The following CELF2 variants were observed in gnomAD, a reference collection of about 807,000 sequenced individuals.
The protein encoded by CELF2 is CUG triplet repeat RNA-binding protein 2.
CELF2 carries 8 observed loss-of-function variants against 62.6 expected under a neutral mutation model. The ratio of observed to expected loss-of-function variants is 0.13; its 90% CI spans 0.07 to 0.23. The LOEUF is 0.23. Ranked by LOEUF, CELF2 falls within the 10% of genes least tolerant of loss-of-function variation. The probability of loss-of-function intolerance (pLI) is 1.00; values close to 1 mark genes in which losing one functional copy is unlikely to be tolerated. For synonymous variants in CELF2, 258 were observed against 250.0 expected (o/e 1.03, Z -0.30); for missense variants, 333 against 671.0 (o/e 0.50, Z 5.56).
At chr10:11,264,469 A>C (rs1310771658) in intron 5 of CELF2, among the ~76,000 whole-genome samples, 1 of 152,238 alleles carries the variant, frequency 6.6e-6, no homozygotes, top group East Asian at 1.9e-4. Flanking sequence ...TTAAAAACAG[A>C]ATTAGCCCAG....
At chr10:10,955,545 C>T (rs1564258734) in intron 2 of CELF2, among the ~76,000 whole-genome samples, 1 of 152,220 alleles carries the variant, frequency 6.6e-6, no homozygotes, top group African/African-American at 2.4e-5. Flanking sequence ...CGTATGAACT[C>T]ATTCAACCGT....
the CELF2 span, among the ~76,000 whole-genome samples, chr10:10,630,662 A>G: frequency 2.6e-5 from 4 of 152,244 alleles, no homozygotes; most frequent in African/African-American, 9.6e-5. Context: ...AGATACTATT[A>G]AGAGCCCCAG....
the CELF2 span, among the ~76,000 whole-genome samples, chr10:10,732,724 A>G: frequency 6.6e-6 from 1 of 152,078 alleles, no homozygotes; most frequent in Non-Finnish European, 1.5e-5. Context: ...GGGTTTCACC[A>G]TGCTGGCCAG....
intron 2 of CELF2, among the ~76,000 whole-genome samples, chr10:10,968,443 T>C (rs1215403048): frequency 1.3e-5 from 2 of 152,246 alleles, no homozygotes; most frequent in African/African-American, 4.8e-5. Context: ...GTAAATAATT[T>C]GCTTTCTGTT....
intron 2 of CELF2, among the ~76,000 whole-genome samples, chr10:10,927,956 T>C (rs1007360651): frequency 1.3e-4 from 20 of 152,186 alleles, no homozygotes; most frequent in African/African-American, 4.8e-4. Flanking sequence ...ATCAATGCAA[T>C]GCACTTTGGT....
the CELF2 span, among the ~76,000 whole-genome samples, chr10:10,572,572 T>A: frequency 1.3e-5 from 2 of 152,082 alleles, no homozygotes; most frequent in Admixed American, 1.3e-4. Context: ...GTGTTCTCAT[T>A]GTTCAGCTCC....
intron 1 of CELF2, among the ~76,000 whole-genome samples, chr10:11,105,168 A>C (rs938450581): frequency 3.9e-5 from 6 of 152,218 alleles, no homozygotes; most frequent in African/African-American, 1.4e-4. Context: ...TTTTCACTAA[A>C]CGAAAAACAA....
At chr10:10,711,949 A>G in the CELF2 span, among the ~76,000 whole-genome samples, 259 of 152,184 alleles carry the variant, frequency 1.7e-3, no homozygotes, top group African/African-American at 5.9e-3. Flanking sequence ...CAGTTCACCT[A>G]TTGGGAGGAT....
intron 8 of CELF2, among the ~76,000 whole-genome samples, chr10:11,283,720 G>A (rs995110380): frequency 6.6e-6 from 1 of 151,770 alleles, no homozygotes; most frequent in African/African-American, 2.4e-5. Context: ...TCCTGGAGGG[G>A]GACTCCCTGG....
intron 1 of CELF2, among the ~76,000 whole-genome samples, chr10:11,091,618 A>G (rs2048345163): frequency 6.6e-6 from 1 of 152,184 alleles, no homozygotes; most frequent in South Asian, 2.1e-4. Flanking sequence ...TGACAGCAAT[A>G]CAAGGAAAGG....
chr10:10,511,963 A>G, the CELF2 span, among the ~76,000 whole-genome samples: 4 of 152,352 alleles, frequency 2.6e-5, no homozygotes, highest in Non-Finnish European at 4.4e-5. Context: ...AGCCAACACA[A>G]GATTGCAAAT....
At chr10:10,891,903 C>T (rs1480553669) in intron 1 of CELF2, among the ~76,000 whole-genome samples, 7 of 152,194 alleles carry the variant, frequency 4.6e-5, no homozygotes, top group African/African-American at 1.2e-4. Context: ...GAGCAAATAG[C>T]ACAGTATATA....
At chr10:11,001,186 A>G (rs1032764145), upstream of CELF2, among the ~76,000 whole-genome samples, 1 of 152,174 alleles carries the variant, frequency 6.6e-6, no homozygotes, top group Non-Finnish European at 1.5e-5. Context: ...CATCTTCCAG[A>G]GCAATATGGG....
At chr10:11,043,191 G>C (rs1008874969) in intron 1 of CELF2, among the ~76,000 whole-genome samples, 2 of 152,130 alleles carry the variant, frequency 1.3e-5, no homozygotes, top group Non-Finnish European at 2.9e-5. Flanking sequence ...CCAGGATCAC[G>C]ATCAGTTAAG....
chr10:11,153,502 A>G (rs1379777209), intron 1 of CELF2, among the ~76,000 whole-genome samples: 2 of 151,998 alleles, frequency 1.3e-5, no homozygotes, highest in Non-Finnish European at 2.9e-5. Flanking sequence ...TAGTTCCTTC[A>G]GTAGCTACAG....
chr10:10,877,882 T>A (rs558531763), intron 1 of CELF2, among the ~76,000 whole-genome samples: 1 of 152,336 alleles, frequency 6.6e-6, no homozygotes, highest in East Asian at 1.9e-4. Flanking sequence ...GCCTCTGACC[T>A]CCTGTAGTTG....
upstream of CELF2, chr10:10,794,890 A>G (rs1448571425): frequency 1.3e-5 from 2 of 152,130 alleles, no homozygotes; most frequent in Non-Finnish European, 2.9e-5. Context: ...CTATATCCGC[A>G]TTTCCCAGGG....
rs371644485 is a variant in CELF2 at position 11,041,691 on chromosome 10, G to A, written c.74+23528G>A. Among the ~76,000 whole-genome samples, 5 of 152,164 alleles carry A rather than the reference G, an allele frequency of 3.3e-5. No individual in the cohort carries two copies. In the East Asian group the frequency reaches 9.6e-4, roughly 29 times the overall value. On this transcript the variant is annotated intron_variant, in intron 1 of 12. Transcript: ENST00000633077. ...GTTTTCAGACCATTTTCCTGTGACA[G>A]TTATATAAAGAGATGGGTCCATTTT... is the stretch of plus-strand genomic sequence containing the variant.
the CELF2 span, among the ~76,000 whole-genome samples, chr10:10,701,768 T>C: frequency 6.6e-6 from 1 of 152,128 alleles, no homozygotes; most frequent in Non-Finnish European, 1.5e-5. Flanking sequence ...GAGAACCACG[T>C]CCCATTTTCC....
Sources: allele counts gnomAD v4.1 joint callset (sites outside exome capture counted in the v4.1 genomes callset), GRCh38; gene constraint gnomAD v4.1.1; transcripts MANE v1.5; gene names NCBI Gene and HGNC (gene_info 2026-07-23, HGNC 2026-07-21).